NXPH1: variants seen among roughly 807,000 people sequenced by gnomAD.
NXPH1 encodes the protein neurexophilin 1, also known as neurexophilin-1.
NXPH1 carries 5 observed loss-of-function variants against 23.7 expected under a neutral mutation model. That is an observed-to-expected ratio of 0.21 (90% CI 0.11 to 0.44). The LOEUF (loss-of-function observed/expected upper bound fraction) is 0.44. Ranked by LOEUF, NXPH1 falls within the 20% of genes least tolerant of loss-of-function variation. NXPH1 has a pLI of 0.99. For missense variants in NXPH1, 324 were observed against 321.6 expected, an observed-to-expected ratio of 1.01 and a Z score of -0.06; for synonymous variants, 144 against 122.2, an observed-to-expected ratio of 1.18 and a Z score of -1.18.
intron 2 of NXPH1, among the ~76,000 whole-genome samples, chr7:8,556,950 T>C (rs978210463): frequency 1.3e-5 from 2 of 151,670 alleles, no homozygotes; most frequent in Non-Finnish European, 3.0e-5. Flanking sequence ...ACAGATACGA[T>C]GAGGTAATGT....
chr7:8,481,820 C>G (rs1038886817), intron 2 of NXPH1, among the ~76,000 whole-genome samples: 5 of 152,070 alleles, frequency 3.3e-5, no homozygotes, highest in African/African-American at 1.2e-4. Flanking sequence ...AATCCTTGCC[C>G]CACTCCCTCC....
intron 2 of NXPH1, among the ~76,000 whole-genome samples, chr7:8,666,074 C>G (rs1244740210): frequency 6.6e-6 from 1 of 151,552 alleles, no homozygotes; most frequent in Non-Finnish European, 1.5e-5. Context: ...GCTAGGACTT[C>G]TAGTACTACA....
intron 2 of NXPH1, among the ~76,000 whole-genome samples, chr7:8,537,918 T>A (rs1290003305): frequency 6.6e-6 from 1 of 151,884 alleles, no homozygotes; most frequent in African/African-American, 2.4e-5. Context: ...TTAGAGATAA[T>A]CAGTTCAACT....
chr7:8,455,895 G>A (rs1816585632), intron 2 of NXPH1, among the ~76,000 whole-genome samples: 1 of 152,176 alleles, frequency 6.6e-6, no homozygotes, highest in Non-Finnish European at 1.5e-5. Context: ...ATGTGTCCTA[G>A]GGGATATTTT....
chr7:8,546,029 T>C (rs1191536839), intron 2 of NXPH1, among the ~76,000 whole-genome samples: 1 of 151,540 alleles, frequency 6.6e-6, no homozygotes, highest in African/African-American at 2.4e-5. Flanking sequence ...AGGTCAGAAC[T>C]CTTTTGATGC....
intron 2 of NXPH1, among the ~76,000 whole-genome samples, chr7:8,523,758 C>A (rs953788475): frequency 5.9e-5 from 9 of 152,286 alleles, no homozygotes; most frequent in African/African-American, 2.2e-4. Flanking sequence ...CTAAATTTCT[C>A]TTTCTGGATC....
chr7:8,718,895 C>T lies in NXPH1; in HGVS notation c.55-32113C>T, dbSNP rs143025660. The stretch of plus-strand genomic sequence containing the variant: ...GGTGCCGGCCATCTACAGCTTTCTA[C>T]CTAACTGTATGAGGAAGCAGGGTAC... On this transcript the variant is annotated intron_variant, in intron 2 of 2. Coordinates refer to ENST00000405863, the MANE Select transcript of NXPH1 (RefSeq NM_152745.3). Among the ~76,000 whole-genome samples the T allele has an allele frequency of 2.6e-5, 4 of 152,280 alleles. No individual in the cohort carries two copies. In the East Asian group the frequency reaches 7.7e-4, roughly 29 times the overall value.
intron 2 of NXPH1, among the ~76,000 whole-genome samples, chr7:8,598,202 A>C (rs950738012): frequency 6.6e-6 from 1 of 152,072 alleles, no homozygotes; most frequent in Non-Finnish European, 1.5e-5. Flanking sequence ...AAATTGTTCA[A>C]TTATTTTCTC....
chr7:8,465,197 G>A (rs1361893152), intron 2 of NXPH1, among the ~76,000 whole-genome samples: 1 of 152,206 alleles, frequency 6.6e-6, no homozygotes, highest in Non-Finnish European at 1.5e-5. Flanking sequence ...TCAGTTTGAT[G>A]GAGAAGTATG....
chr7:8,443,412 G>A (rs1264517133), intron 2 of NXPH1, among the ~76,000 whole-genome samples: 1 of 152,216 alleles, frequency 6.6e-6, no homozygotes, highest in East Asian at 1.9e-4. Context: ...TAATGTAAAA[G>A]TCTCAACTGA....
intron 2 of NXPH1, among the ~76,000 whole-genome samples, chr7:8,592,321 A>G (rs753397145): frequency 2.2e-4 from 34 of 152,054 alleles, no homozygotes; most frequent in Non-Finnish European, 2.4e-4. Flanking sequence ...TATAGCAACA[A>G]TTGCTTTCTG....
chr7:8,732,074 G>A (rs958988234), intron 2 of NXPH1, among the ~76,000 whole-genome samples: 14 of 152,228 alleles, frequency 9.2e-5, no homozygotes, highest in East Asian at 1.9e-4. Flanking sequence ...TCGGAAAAGC[G>A]CAATATTCGG....
intron 2 of NXPH1, among the ~76,000 whole-genome samples, chr7:8,521,739 A>G (rs1019885256): frequency 7.9e-5 from 12 of 152,180 alleles, no homozygotes; most frequent in Non-Finnish European, 7.3e-5. Flanking sequence ...ATAAGAATTA[A>G]ATGGCAATGT....
intron 2 of NXPH1, among the ~76,000 whole-genome samples, chr7:8,544,702 G>A (rs183426826): frequency 6.6e-6 from 1 of 151,602 alleles, no homozygotes; most frequent in Admixed American, 6.6e-5. Flanking sequence ...GTTCTAAAGT[G>A]CCTGTTTCTT....
chr7:8,703,498 A>G (rs1201744486), intron 2 of NXPH1, among the ~76,000 whole-genome samples: 1 of 151,942 alleles, frequency 6.6e-6, no homozygotes, highest in African/African-American at 2.4e-5. Flanking sequence ...GGATTAGGTG[A>G]TATTCTGGGG....
intron 2 of NXPH1, among the ~76,000 whole-genome samples, chr7:8,472,905 G>A (rs1816891891): frequency 6.6e-6 from 1 of 152,144 alleles, no homozygotes. Context: ...GTTTGGAAAA[G>A]CCATTACTGT....
At chr7:8,561,698 G>C (rs561058542) in intron 2 of NXPH1, among the ~76,000 whole-genome samples, 14 of 151,664 alleles carry the variant, frequency 9.2e-5, no homozygotes, top group Non-Finnish European at 1.3e-4. Flanking sequence ...GATGATTAGA[G>C]GGCATAATGA....
intron 2 of NXPH1, among the ~76,000 whole-genome samples, chr7:8,749,791 G>C (rs1316415290): frequency 6.6e-6 from 1 of 152,278 alleles, no homozygotes; most frequent in South Asian, 2.1e-4. Context: ...TCCGCATATT[G>C]AATGGTTTAC....
At chr7:8,571,688 T>C (rs999179509) in intron 2 of NXPH1, among the ~76,000 whole-genome samples, 8 of 151,938 alleles carry the variant, frequency 5.3e-5, no homozygotes, top group Admixed American at 1.3e-4. Flanking sequence ...CTGAAAAATT[T>C]TGAGCTTGTA....
Sources: allele counts gnomAD v4.1 joint callset (sites outside exome capture counted in the v4.1 genomes callset), GRCh38; gene constraint gnomAD v4.1.1; transcripts MANE v1.5; gene names NCBI Gene and HGNC (gene_info 2026-07-23, HGNC 2026-07-21).